The following SPOCK1 variants were observed in gnomAD, a reference collection of about 807,000 sequenced individuals.
The protein encoded by SPOCK1 is testican-1.
Under a neutral mutation model 55.3 loss-of-function variants are expected in SPOCK1, and 23 were observed. The observed-to-expected ratio is 0.42, with a 90% CI of 0.30 to 0.59. SPOCK1 has a LOEUF of 0.59. Among genes scored for constraint, SPOCK1 ranks in the 20% least tolerant of loss-of-function variants. SPOCK1 has a pLI of 0.22. For synonymous variants in SPOCK1, 226 were observed against 221.0 expected, an observed-to-expected ratio of 1.02 and a Z score of -0.20; for missense variants, 499 against 552.5, an observed-to-expected ratio of 0.90 and a Z score of 0.97.
intron 2 of SPOCK1, among the ~76,000 whole-genome samples, chr5:137,435,079 C>G (rs1249686942): frequency 6.6e-6 from 1 of 152,150 alleles, no homozygotes; most frequent in South Asian, 2.1e-4. Flanking sequence ...TATCACAATG[C>G]GAACATGTTA....
At chr5:137,201,568 G>C (rs1755426311) in intron 3 of SPOCK1, among the ~76,000 whole-genome samples, 1 of 152,150 alleles carries the variant, frequency 6.6e-6, no homozygotes, top group Non-Finnish European at 1.5e-5. Flanking sequence ...TATTAACTAA[G>C]TCCCAGAGAT....
At chr5:137,111,605 T>C (rs949820905) in intron 5 of SPOCK1, among the ~76,000 whole-genome samples, 1 of 152,194 alleles carries the variant, frequency 6.6e-6, no homozygotes, top group African/African-American at 2.4e-5. Flanking sequence ...TTCATTATCC[T>C]GGTGAAACGT....
At chr5:137,461,746 C>T (rs1753493998) in intron 2 of SPOCK1, among the ~76,000 whole-genome samples, 1 of 152,222 alleles carries the variant, frequency 6.6e-6, no homozygotes, top group South Asian at 2.1e-4. Flanking sequence ...GCAGCCAAGT[C>T]TCACTTACTG....
At chr5:137,171,480 C>T (rs1471024003) in intron 3 of SPOCK1, among the ~76,000 whole-genome samples, 6 of 152,142 alleles carry the variant, frequency 3.9e-5, no homozygotes. Context: ...AGCCACGCTA[C>T]CAATGTGGAG....
intron 3 of SPOCK1, among the ~76,000 whole-genome samples, chr5:137,142,587 T>C (rs1035810969): frequency 6.6e-6 from 1 of 152,176 alleles, no homozygotes; most frequent in Non-Finnish European, 1.5e-5. Context: ...ACTTGGAGCT[T>C]AGCAGAAAGA....
chr5:137,263,716 C>T (rs1440771241), intron 3 of SPOCK1, among the ~76,000 whole-genome samples: 3 of 152,164 alleles, frequency 2.0e-5, no homozygotes, highest in African/African-American at 7.2e-5. Context: ...GGAGATTTGG[C>T]ATTAAATCAT....
chr5:137,384,511 C>T (rs932846737), intron 2 of SPOCK1, among the ~76,000 whole-genome samples: 2 of 151,342 alleles, frequency 1.3e-5, no homozygotes, highest in African/African-American at 4.9e-5. Flanking sequence ...GTGGCATATA[C>T]ATACATACAT....
intron 2 of SPOCK1, among the ~76,000 whole-genome samples, chr5:137,335,113 G>A (rs1750222862): frequency 6.6e-6 from 1 of 152,120 alleles, no homozygotes; most frequent in Admixed American, 6.5e-5. Context: ...TTCCCAAACT[G>A]GATTGTGGTA....
intron 2 of SPOCK1, among the ~76,000 whole-genome samples, chr5:137,267,306 G>A (rs910699283): frequency 8.5e-5 from 13 of 152,124 alleles, no homozygotes; most frequent in South Asian, 6.2e-4. Context: ...TAGAAACAGC[G>A]CTGCTCTTCT....
intron 2 of SPOCK1, among the ~76,000 whole-genome samples, chr5:137,471,783 C>T (rs184320860): frequency 1.3e-5 from 2 of 152,242 alleles, no homozygotes; most frequent in Non-Finnish European, 2.9e-5. Flanking sequence ...GAGCATCTCC[C>T]AAGAGCAGGA....
intron 3 of SPOCK1, among the ~76,000 whole-genome samples, chr5:137,151,430 C>T (rs1754317331): frequency 6.6e-6 from 1 of 152,214 alleles, no homozygotes; most frequent in Admixed American, 6.5e-5. Context: ...TAGGTATTTG[C>T]TCTTACTTGT....
At chr5:137,319,067 G>T (rs992713663) in intron 2 of SPOCK1, among the ~76,000 whole-genome samples, 1 of 152,200 alleles carries the variant, frequency 6.6e-6, no homozygotes, top group Non-Finnish European at 1.5e-5. Context: ...TATATCAGCA[G>T]TTCAAGTTTG....
chr5:137,245,827 A>G (rs1246498925), intron 3 of SPOCK1, among the ~76,000 whole-genome samples: 2 of 152,060 alleles, frequency 1.3e-5, no homozygotes, highest in African/African-American at 4.8e-5. Context: ...TAAGCATGGG[A>G]TCCATGATTA....
chr5:137,188,366 C>A (rs1193595574), intron 3 of SPOCK1, among the ~76,000 whole-genome samples: 1 of 152,200 alleles, frequency 6.6e-6, no homozygotes, highest in East Asian at 1.9e-4. Context: ...CTATTGGCAT[C>A]ATTTTTCAAA....
intron 6 of SPOCK1, among the ~76,000 whole-genome samples, chr5:137,067,241 T>A (rs1219734742): frequency 1.3e-5 from 2 of 152,304 alleles, no homozygotes; most frequent in African/African-American, 4.8e-5. Context: ...TTCTCTTTCA[T>A]CTGTCCCCTG....
intron 2 of SPOCK1, among the ~76,000 whole-genome samples, chr5:137,428,674 G>T (rs1752683691): frequency 6.6e-6 from 1 of 152,172 alleles, no homozygotes; most frequent in African/African-American, 2.4e-5. Context: ...ATGTCCTGCT[G>T]CCAAACTGTG....
chr5:137,040,844 C>T lies in SPOCK1; in HGVS notation c.589+26871G>A, dbSNP rs200738672. Among the ~76,000 whole-genome samples the T allele has an allele frequency of 3.3e-5, 5 of 152,148 alleles. No individual in the cohort carries two copies. In the East Asian group the frequency reaches 7.7e-4, roughly 24 times the overall value. The stretch of plus-strand genomic sequence containing the variant: ...TAATGGCTCATCAAGATGGTCATGC[C>T]CAACCATCTGCTGAACTCACTGGCC... On this transcript the variant is annotated intron_variant, in intron 6 of 10. Coordinates refer to ENST00000394945, the MANE Select transcript of SPOCK1 (RefSeq NM_004598.4).
intron 2 of SPOCK1, among the ~76,000 whole-genome samples, chr5:137,492,388 C>T (rs1379401338): frequency 1.3e-5 from 2 of 152,174 alleles, no homozygotes; most frequent in Non-Finnish European, 2.9e-5. Flanking sequence ...AACCAAACAA[C>T]CTGAGCACAA....
intron 3 of SPOCK1, among the ~76,000 whole-genome samples, chr5:137,142,854 C>T (rs949058317): frequency 2.6e-4 from 39 of 152,296 alleles, no homozygotes; most frequent in African/African-American, 8.9e-4. Flanking sequence ...AGTGCACTGC[C>T]GCCCACGCCA....
Sources: gnomAD v4.1 joint callset for allele counts (sites outside exome capture counted in the v4.1 genomes callset) on GRCh38, gnomAD v4.1.1 for gene constraint, MANE v1.5 for transcripts, NCBI Gene and HGNC (gene_info 2026-07-23, HGNC 2026-07-21) for gene names.